Variants in DLGAP2 observed in about 807,000 individuals in gnomAD.
The protein encoded by DLGAP2 is disks large-associated protein 2.
Under a neutral mutation model 100.3 loss-of-function variants are expected in DLGAP2, and 26 were observed. The observed-to-expected ratio is 0.26, with a 90% CI of 0.19 to 0.36. The LOEUF (loss-of-function observed/expected upper bound fraction) is 0.36, where lower values mean the gene tolerates loss of function less well. Among genes scored for constraint, DLGAP2 ranks in the 10% least tolerant of loss-of-function variants. DLGAP2 has a pLI of 1.00. For synonymous variants in DLGAP2, 886 were observed against 630.1 expected (o/e 1.41, Z -6.08); for missense variants, 1,858 against 1,453.2 (o/e 1.28, Z -4.53).
At chr8:1,219,431 G>A (rs1029658902) in intron 2 of DLGAP2, among the ~76,000 whole-genome samples, 3 of 152,088 alleles carry the variant, frequency 2.0e-5, no homozygotes, top group Non-Finnish European at 2.9e-5. Flanking sequence ...ATTTATGTTT[G>A]TTAAACCAAA....
At chr8:770,318 C>T (rs763889809) in intron 1 of DLGAP2, among the ~76,000 whole-genome samples, 28 of 152,118 alleles carry the variant, frequency 1.8e-4, no homozygotes, top group Non-Finnish European at 3.7e-4. Context: ...TGCTCCTCCT[C>T]CGTGTCCTCC....
intron 2 of DLGAP2, among the ~76,000 whole-genome samples, chr8:1,210,298 C>G (rs1033991323): frequency 2.6e-5 from 4 of 152,124 alleles, no homozygotes; most frequent in Non-Finnish European, 4.4e-5. Context: ...CAGCTGATGA[C>G]AGGGAGGTTT....
intron 3 of DLGAP2, among the ~76,000 whole-genome samples, chr8:1,430,814 C>G (rs1056928336): frequency 1.3e-5 from 2 of 152,154 alleles, no homozygotes; most frequent in African/African-American, 4.8e-5. Flanking sequence ...AAAGGACGAC[C>G]CTGACACGTC....
rs866135050 is a variant in DLGAP2 at position 1,435,376 on chromosome 8, A to G, written c.107-65990A>G. 5.4e-4 allele frequency among the ~76,000 whole-genome samples: 82 copies of G among 152,304 alleles called. 1 individual carries two copies. The highest frequency in any genetic ancestry group is 3.9e-4 in the Admixed American group (6 of 15,302). ...CCGCACACGGGTGTTTCAGTCAAAG[A>G]CAAACTGCAGGTGCAGCGGTGGCCC... On this transcript the variant is annotated intron_variant, in intron 3 of 14. Coordinates refer to ENST00000637795, the MANE Select transcript of DLGAP2 (RefSeq NM_001346810.2).
At position 1,127,894 on chromosome 8, in the gene DLGAP2, T is replaced by G. The variant is rs558661534; in HGVS notation, c.74-130957T>G. ...AGAGTCTGAACTAAGAGTCTAAAGA[T>G]GCACTTTCCTATTCCGGATCTTTCA... On this transcript the variant is annotated intron_variant, in intron 2 of 14. Coordinates refer to ENST00000637795, the MANE Select transcript of DLGAP2 (RefSeq NM_001346810.2). Among the ~76,000 whole-genome samples the G allele has an allele frequency of 4.6e-5, 7 of 152,338 alleles. 1 individual carries two copies. The South Asian group carries it at 1.5e-3, about 32-fold the overall frequency.
chr8:1,192,915 A>G (rs1377943487), intron 2 of DLGAP2, among the ~76,000 whole-genome samples: 1 of 151,686 alleles, frequency 6.6e-6, no homozygotes, highest in African/African-American at 2.4e-5. Context: ...GAGTGAGAAC[A>G]TGCGGTGTTT....
At chr8:1,087,819 T>A (rs1804026110) in intron 2 of DLGAP2, among the ~76,000 whole-genome samples, 1 of 152,222 alleles carries the variant, frequency 6.6e-6, no homozygotes, top group Non-Finnish European at 1.5e-5. Flanking sequence ...GCTCCCTCTG[T>A]CCTTTCTCTT....
intron 1 of DLGAP2, among the ~76,000 whole-genome samples, chr8:824,249 A>AT (rs1200143878): frequency 1.3e-5 from 2 of 150,886 alleles, no homozygotes; most frequent in Non-Finnish European, 3.0e-5. Flanking sequence ...TAATTTTTGT[A>AT]TTTTTTTGTA....
rs1277509703 is a variant in DLGAP2, at chr8:1,348,774, CA to C, written c.106+89893del. On this transcript the variant is annotated intron_variant, in intron 3 of 14. Coordinates refer to ENST00000637795, the MANE Select transcript of DLGAP2 (RefSeq NM_001346810.2). Reference sequence around the variant, plus strand: ...ACTCATGATGGCTTTGCAAAGGAGCCAACCCATTGTGTATGCGGTGGAGCGT... The same window carrying C: ...ACTCATGATGGCTTTGCAAAGGAGCCACCCATTGTGTATGCGGTGGAGCGT... 3.9e-5 allele frequency among the ~76,000 whole-genome samples: 6 copies of C among 152,348 alleles called. 1 individual carries two copies. Among genetic ancestry groups the C allele is most frequent in the African/African-American group, 1.4e-4 (6 of 41,582 alleles).
At chr8:1,270,762 CTGTG>C (rs1284728229) in intron 3 of DLGAP2, among the ~76,000 whole-genome samples, 1 of 150,630 alleles carries the variant, frequency 6.6e-6, no homozygotes, top group East Asian at 2.0e-4. Context: ...CTACCTCTCT[CTGTG>C]TGTCTCTCTG....
intron 3 of DLGAP2, among the ~76,000 whole-genome samples, chr8:1,354,530 G>A (rs1053945521): frequency 1.3e-5 from 2 of 152,294 alleles, no homozygotes; most frequent in Middle Eastern, 3.4e-3. Flanking sequence ...AAGAAAGAAC[G>A]AAAAGAAAAT....
rs1182398341 is a variant in DLGAP2, at chr8:1,701,223, G to C, written c.2985G>C (p.Lys995Asn). The C allele has an allele frequency of 2.2e-5, 34 of 1,574,558 alleles. No homozygotes were observed. Among genetic ancestry groups the C allele is most frequent in the Non-Finnish European group, 2.9e-5 (34 of 1,160,722 alleles). Residue 995 changes from lysine to asparagine, a missense_variant, in exon 15 of 15, where the codon AAG (lysine) becomes AAC (asparagine). By Grantham distance (94) the Lys-to-Asn change is moderately conservative (BLOSUM62 0). Transcript: ENST00000637795. ...AGGTCCCGCCTCCAATACCAAAGAA[G>C]CCTCCCAAGGGGAAGTTTCCCATCA... ...ERKVPPPIPK[K>N]PPKGKFPITR...
intron 3 of DLGAP2, among the ~76,000 whole-genome samples, chr8:1,442,385 A>G (rs59033389): frequency 1.4e-3 from 149 of 105,306 alleles, no homozygotes; most frequent in African/African-American, 2.4e-3. Flanking sequence ...CAGCCACTGG[A>G]GGAGACGGAT....
chr8:1,196,607 A>T lies in DLGAP2; in HGVS notation c.74-62244A>T, dbSNP rs148584858. On this transcript the variant is annotated intron_variant, in intron 2 of 14. Transcript: ENST00000637795. ...GTCATCACCAACAGCACTTGTGCAGAGGCATCTGCAGGTCGAGGGGGGTAT... is the reference window on the plus strand; with the variant it reads ...GTCATCACCAACAGCACTTGTGCAGTGGCATCTGCAGGTCGAGGGGGGTAT... Among the ~76,000 whole-genome samples, 396 of 152,352 alleles carry T rather than the reference A, an allele frequency of 2.6e-3. 2 individuals are homozygous for T. Among genetic ancestry groups the T allele is most frequent in the African/African-American group, 9.2e-3 (383 of 41,586 alleles).
rs1157221539 is a variant in DLGAP2 at position 1,669,732 on chromosome 8, G to T, written c.2161-11G>T. 1 of 780,906 alleles carries T rather than the reference G, an allele frequency of 1.3e-6. No individual in the cohort carries two copies. Among genetic ancestry groups the T allele is most frequent in the Admixed American group, 1.7e-5 (1 of 59,044 alleles). The allele number at this position is 780,906 out of a possible 1,614,324, so 48.4% of individuals were successfully genotyped here. On this transcript the variant is annotated splice_polypyrimidine_tract_variant and intron_variant, in intron 9 of 14. Transcript: ENST00000637795. ...CAGGTCTCCACACTGTGGCTTCATT[G>T]TTTTGTTTAGGATTCTGAATTCCCA...
chr8:1,146,581 A>G (rs1159401937), intron 2 of DLGAP2, among the ~76,000 whole-genome samples: 2 of 151,740 alleles, frequency 1.3e-5, no homozygotes, highest in African/African-American at 2.4e-5. Context: ...GTGTGTATGC[A>G]CATGTGTGTG....
At chr8:1,157,898 C>A (rs935655110) in intron 2 of DLGAP2, among the ~76,000 whole-genome samples, 3 of 152,202 alleles carry the variant, frequency 2.0e-5, no homozygotes, top group Non-Finnish European at 2.9e-5. Flanking sequence ...CTTGTTTAGT[C>A]TTCTGGGCAC....
chr8:1,207,848 TG>T (rs1325100407), intron 2 of DLGAP2, among the ~76,000 whole-genome samples: 2 of 152,268 alleles, frequency 1.3e-5, no homozygotes, highest in Non-Finnish European at 2.9e-5. Context: ...ATATGTTTGT[TG>T]GCCATTTTTG....
intron 13 of DLGAP2, among the ~76,000 whole-genome samples, chr8:1,694,464 G>T (rs190353040): frequency 6.6e-6 from 1 of 152,320 alleles, no homozygotes; most frequent in African/African-American, 2.4e-5. Context: ...GACCGCGGGG[G>T]GCAGAGCCTC....
Sources: gnomAD v4.1 joint callset for allele counts (sites outside exome capture counted in the v4.1 genomes callset) on GRCh38, gnomAD v4.1.1 for gene constraint, MANE v1.5 for transcripts, NCBI Gene and HGNC (gene_info 2026-07-23, HGNC 2026-07-21) for gene names.